CFAP418: variants seen among roughly 807,000 people sequenced by gnomAD.
CFAP418 encodes the protein cilia- and flagella-associated protein 418.
Under a neutral mutation model 24.7 loss-of-function variants are expected in CFAP418, and 27 were observed. The ratio of observed to expected loss-of-function variants is 1.09; its 90% CI spans 0.81 to 1.51. CFAP418 has a LOEUF of 1.51. Ranked by LOEUF, CFAP418 falls within the 40% of genes most tolerant of loss-of-function variation. The pLI is 0.00. For missense variants in CFAP418, 257 were observed against 255.2 expected, an observed-to-expected ratio of 1.01 and a Z score of -0.05; for synonymous variants, 74 against 87.3, an observed-to-expected ratio of 0.85 and a Z score of 0.85.
At position 95,263,811 on chromosome 8, in the gene CFAP418, G is replaced by A. The variant is rs530174452; in HGVS notation, c.156-37C>T. 1.4e-5 allele frequency: 18 copies of A among 1,242,998 alleles called. No individual in the cohort carries two copies. In the African/African-American group the frequency reaches 1.8e-4, roughly 12 times the overall value. 77.0% of individuals were successfully genotyped at this position (1,242,998 alleles called of 1,614,324 possible). The stretch of plus-strand genomic sequence containing the variant: ...ACATACACAAAGAAAACTTACCTGA[G>A]GTTTATGAGCAGAGAAAGCTAGTAT... On this transcript the variant is annotated intron_variant, in intron 1 of 5. Coordinates refer to ENST00000286688, the MANE Select transcript of CFAP418 (RefSeq NM_177965.4).
chr8:95,251,832 C>T lies in CFAP418; in HGVS notation c.470+356G>A, dbSNP rs141041882. Among the ~76,000 whole-genome samples, 761 of 152,270 alleles carry T rather than the reference C, an allele frequency of 5.0e-3. 3 individuals are homozygous for T. Among genetic ancestry groups the T allele is most frequent in the Non-Finnish European group, 8.6e-3 (586 of 68,018 alleles). ...CAAACCTAGATGGTATAGCCTACCA[C>T]ACACCTAGGCTATATGGTATAGGCT... On this transcript the variant is annotated intron_variant, in intron 5 of 5. Transcript: ENST00000286688.
chr8:95,257,962 C>T (rs35011650), intron 4 of CFAP418, among the ~76,000 whole-genome samples: 10,135 of 152,168 alleles, frequency 0.067, 418 homozygotes, highest in Non-Finnish European at 0.088. Flanking sequence ...GTTGTACCCC[C>T]GCAACAAAGA....
Position 95,247,368 on chromosome 8 carries a change from A to C in CFAP418, c.*249T>G, listed in dbSNP as rs949281785. On this transcript the variant is annotated 3_prime_UTR_variant, in exon 6 of 6. Transcript: ENST00000286688. Reference sequence around the variant, plus strand: ...ATCAAACCTCTATTAAACAGAAGACAGATTAGTAAAGAATGTAGATGCCTG... The same window carrying C: ...ATCAAACCTCTATTAAACAGAAGACCGATTAGTAAAGAATGTAGATGCCTG... 1 of 477,034 alleles carries C rather than the reference A, an allele frequency of 2.1e-6. No individual in the cohort carries two copies. Among genetic ancestry groups the C allele is most frequent in the Admixed American group, 3.8e-5 (1 of 26,212 alleles). 29.6% of individuals were successfully genotyped at this position (477,034 alleles called of 1,614,324 possible). A position where few individuals can be genotyped will look rare whatever the true frequency, so the allele number is the denominator to read the frequency against.
In CFAP418 at chr8:95,268,862, G is replaced by A. The variant is rs996463123; in HGVS notation, c.155+173C>T. ...GTGAAGAGGTGCCAGAATCCGCGAA[G>A]AGGGTCGACGAATGCGCTGCCGCGG... On this transcript the variant is annotated intron_variant, in intron 1 of 5. Coordinates refer to ENST00000286688, the MANE Select transcript of CFAP418 (RefSeq NM_177965.4). 8 of 678,666 alleles carry A rather than the reference G, an allele frequency of 1.2e-5. No homozygotes were observed. In the East Asian group the frequency reaches 1.8e-4, roughly 16 times the overall value. 42.0% of individuals were successfully genotyped at this position (678,666 alleles called of 1,614,324 possible).
At chr8:95,266,966 A>G (rs1345676821) in intron 1 of CFAP418, among the ~76,000 whole-genome samples, 1 of 152,182 alleles carries the variant, frequency 6.6e-6, no homozygotes, top group Non-Finnish European at 1.5e-5. Flanking sequence ...TTCTCCTAAG[A>G]TGAACAGCTC....
chr8:95,268,979 T>C, intron 1 of CFAP418, 56 bp downstream of exon 1: 2 of 1,572,980 alleles, frequency 1.3e-6, no homozygotes, highest in Non-Finnish European at 1.7e-6. Flanking sequence ...GAGGGGCAGC[T>C]CTAGGGCCTG....
intron 5 of CFAP418, among the ~76,000 whole-genome samples, chr8:95,250,206 T>C (rs1470062695): frequency 6.6e-6 from 1 of 152,248 alleles, no homozygotes; most frequent in Non-Finnish European, 1.5e-5. Context: ...CCTTATTCTT[T>C]AGCTGTTCCA....
intron 5 of CFAP418, 54 bp from the exon 6 acceptor site, chr8:95,247,824 A>T: frequency 4.7e-6 from 6 of 1,267,008 alleles, no homozygotes; most frequent in Non-Finnish European, 6.3e-6. Context: ...GTGCTTAATG[A>T]TTAAAAAAAA....
intron 4 of CFAP418, among the ~76,000 whole-genome samples, chr8:95,257,929 T>G (rs1044159132): frequency 1.3e-5 from 2 of 152,170 alleles, no homozygotes; most frequent in Non-Finnish European, 2.9e-5. Flanking sequence ...ACACTGTTAC[T>G]ATGAGATGAC....
At chr8:95,267,554 A>C (rs574589258) in intron 1 of CFAP418, among the ~76,000 whole-genome samples, 104 of 152,324 alleles carry the variant, frequency 6.8e-4, no homozygotes, top group Middle Eastern at 3.4e-3. Flanking sequence ...GGGCCACTGC[A>C]CTCCAGCCTG....
At chr8:95,267,082 T>C (rs1811999208) in intron 1 of CFAP418, among the ~76,000 whole-genome samples, 1 of 152,230 alleles carries the variant, frequency 6.6e-6, no homozygotes, top group East Asian at 1.9e-4. Flanking sequence ...GTAGATGCGC[T>C]AATAGATACA....
chr8:95,259,526 T>A (rs145134782), intron 4 of CFAP418, among the ~76,000 whole-genome samples: 1 of 152,198 alleles, frequency 6.6e-6, no homozygotes, highest in African/African-American at 2.4e-5. Context: ...TGTATCTGCA[T>A]GGCCACTTTG....
chr8:95,252,045 G>A (rs1174063141), intron 5 of CFAP418, 143 bp downstream of exon 5: 5 of 602,548 alleles, frequency 8.3e-6, no homozygotes, highest in Non-Finnish European at 1.5e-5. Context: ...ATCGTTGACT[G>A]AAGCATCATA....
chr8:95,264,448 A>G (rs1393249820), intron 1 of CFAP418, among the ~76,000 whole-genome samples: 1 of 152,174 alleles, frequency 6.6e-6, no homozygotes, highest in Non-Finnish European at 1.5e-5. Flanking sequence ...TAGTCTTTAC[A>G]TGAGTATATC....
At chr8:95,258,627 C>T in intron 4 of CFAP418, among the ~76,000 whole-genome samples, 1 of 152,198 alleles carries the variant, frequency 6.6e-6, no homozygotes, top group African/African-American at 2.4e-5. Flanking sequence ...TTTATAAAGT[C>T]TATACTAGTG....
intron 1 of CFAP418, among the ~76,000 whole-genome samples, chr8:95,264,884 A>G (rs1252871430): frequency 6.6e-6 from 1 of 152,128 alleles, no homozygotes; most frequent in Non-Finnish European, 1.5e-5. Context: ...CTTTCACTGT[A>G]TACTGGTTTC....
chr8:95,259,853 T>C lies in CFAP418; in HGVS notation c.361A>G (p.Asn121Asp). Reference sequence around the variant, plus strand: ...CTGACAACCTACCTCCATGAAATATTTGTTCCAATCCCACATGGAATAGAG... The same window carrying C: ...CTGACAACCTACCTCCATGAAATATCTGTTCCAATCCCACATGGAATAGAG... ...GSSIPCGIGT[N>D]ISWRACDHLR... Residue 121 changes from asparagine to aspartate, a missense_variant, in exon 4 of 6, where the codon AAT (asparagine) becomes GAT (aspartate). Asn to Asp is a conservative substitution (Grantham distance 23). Coordinates refer to ENST00000286688, the MANE Select transcript of CFAP418 (RefSeq NM_177965.4). The C allele has an allele frequency of 1.9e-6, 3 of 1,609,154 alleles. No individual in the cohort carries two copies. Among genetic ancestry groups the C allele is most frequent in the Middle Eastern group, 1.7e-4 (1 of 6,054 alleles).
In CFAP418 at chr8:95,261,156, C is replaced by T. The variant is rs576975181; in HGVS notation, c.244-624G>A. Among the ~76,000 whole-genome samples the T allele has an allele frequency of 3.9e-5, 6 of 152,104 alleles. No individual in the cohort carries two copies. In the East Asian group the frequency reaches 1.2e-3, roughly 29 times the overall value. The stretch of plus-strand genomic sequence containing the variant: ...ATGGTACCAAACAACATAAACCAAC[C>T]ACACACTAGGACCACCGCCAAGGAG... On this transcript the variant is annotated intron_variant, in intron 2 of 5. Coordinates refer to ENST00000286688, the MANE Select transcript of CFAP418 (RefSeq NM_177965.4).
chr8:95,259,122 G>A (rs534459633), intron 4 of CFAP418, among the ~76,000 whole-genome samples: 24 of 152,250 alleles, frequency 1.6e-4, no homozygotes, highest in Admixed American at 2.6e-4. Flanking sequence ...CAGAAAATAA[G>A]TGTTTTAGAA....
Sources: gnomAD v4.1 joint callset for allele counts (sites outside exome capture counted in the v4.1 genomes callset) on GRCh38, gnomAD v4.1.1 for gene constraint, MANE v1.5 for transcripts, NCBI Gene and HGNC (gene_info 2026-07-23, HGNC 2026-07-21) for gene names.